Variants in AUTS2 observed in about 807,000 individuals in gnomAD.
AUTS2 encodes activator of transcription and developmental regulator AUTS2.
Under a neutral mutation model 112.4 loss-of-function variants are expected in AUTS2, and 17 were observed. The observed-to-expected ratio is 0.15, with a 90% CI of 0.10 to 0.23. The LOEUF is 0.23. Among genes scored for constraint, AUTS2 ranks in the 10% least tolerant of loss-of-function variants. AUTS2 has a pLI of 1.00. For missense variants in AUTS2, 1,510 were observed against 1,701.6 expected (o/e 0.89, Z 1.98); for synonymous variants, 751 against 702.7 (o/e 1.07, Z -1.09).
chr7:69,667,664 A>G (rs1796128266), intron 1 of AUTS2, among the ~76,000 whole-genome samples: 1 of 152,086 alleles, frequency 6.6e-6, no homozygotes, highest in South Asian at 2.1e-4. Flanking sequence ...CCCAAAATCA[A>G]GATTTTGACA....
At chr7:70,727,177 A>G (rs1787087414) in intron 6 of AUTS2, among the ~76,000 whole-genome samples, 1 of 152,192 alleles carries the variant, frequency 6.6e-6, no homozygotes, top group African/African-American at 2.4e-5. Context: ...TAGCTTTCCG[A>G]TTGTGATCAG....
In AUTS2 at chr7:70,165,065, T is replaced by C. The variant is rs112943755; in HGVS notation, c.660+30494T>C. 4.0e-4 allele frequency among the ~76,000 whole-genome samples: 61 copies of C among 152,168 alleles called. 5 individuals are homozygous for C. The highest frequency in any genetic ancestry group is 1.4e-3 in the African/African-American group (57 of 41,540). ...AATGCTAGAAATGAAAAACACAATA[T>C]CATATATGAAAAAATTTTCTGTGGG... On this transcript the variant is annotated intron_variant, in intron 4 of 18. Transcript: ENST00000342771.
At chr7:70,688,356 G>A (rs986093233) in intron 5 of AUTS2, among the ~76,000 whole-genome samples, 3 of 152,058 alleles carry the variant, frequency 2.0e-5, no homozygotes, top group Non-Finnish European at 4.4e-5. Context: ...CATGGCTCGG[G>A]GCATACAGGA....
intron 4 of AUTS2, among the ~76,000 whole-genome samples, chr7:70,188,804 G>C (rs1436558511): frequency 6.7e-6 from 1 of 148,512 alleles, no homozygotes; most frequent in African/African-American, 2.5e-5. Context: ...TTTTTGAGAC[G>C]GAGTTGCGCT....
intron 1 of AUTS2, among the ~76,000 whole-genome samples, chr7:69,857,218 C>G (rs1269878823): frequency 6.6e-6 from 1 of 152,130 alleles, no homozygotes; most frequent in Non-Finnish European, 1.5e-5. Context: ...TTTGAAATGT[C>G]TAATAAAATC....
chr7:70,634,810 A>T (rs1240001611), intron 5 of AUTS2, among the ~76,000 whole-genome samples: 1 of 152,190 alleles, frequency 6.6e-6, no homozygotes, highest in Non-Finnish European at 1.5e-5. Flanking sequence ...AAAGGTTAAG[A>T]AGATGAGATG....
chr7:69,712,727 GGGTGATTATGTAGGGTGGA>G (rs1486758652), intron 1 of AUTS2, among the ~76,000 whole-genome samples: 30 of 152,068 alleles, frequency 2.0e-4, no homozygotes, highest in Non-Finnish European at 1.5e-4. Flanking sequence ...TGTTTCTCTT[GGGTGATTATGTAGGGTGGA>G]ATGGCTGGGT....
chr7:70,724,443 C>CTTTTTTT lies in AUTS2; in HGVS notation c.742+25837_742+25843dup, dbSNP rs71077675. On this transcript the variant is annotated intron_variant, in intron 6 of 18. Coordinates refer to ENST00000342771, the MANE Select transcript of AUTS2 (RefSeq NM_015570.4). Reference sequence around the variant, plus strand: ...AAGAATGATTTTATTTTCATCCTGACTTTTTTTTTTTTTTTTTTTTGAGAC... The same window carrying CTTTTTTT: ...AAGAATGATTTTATTTTCATCCTGACTTTTTTTTTTTTTTTTTTTTTTTTTTTGAGAC... Among the ~76,000 whole-genome samples the CTTTTTTT allele has an allele frequency of 6.9e-5, 7 of 101,386 alleles. 1 individual carries two copies. The highest frequency in any genetic ancestry group is 4.0e-4 in the East Asian group (1 of 2,524). 66.5% of individuals were successfully genotyped at this position (101,386 alleles called of 152,430 possible).
intron 1 of AUTS2, among the ~76,000 whole-genome samples, chr7:69,766,677 G>A (rs1367692265): frequency 6.6e-6 from 1 of 152,156 alleles, no homozygotes; most frequent in Non-Finnish European, 1.5e-5. Flanking sequence ...ACACACCTCA[G>A]CCACTTTCCA....
At chr7:70,333,100 C>G (rs561787310) in intron 4 of AUTS2, among the ~76,000 whole-genome samples, 3 of 152,302 alleles carry the variant, frequency 2.0e-5, no homozygotes, top group African/African-American at 7.2e-5. Flanking sequence ...CTACAAAGAA[C>G]TTAAACAAAT....
At chr7:70,621,176 G>C (rs374697388) in intron 5 of AUTS2, among the ~76,000 whole-genome samples, 1 of 152,250 alleles carries the variant, frequency 6.6e-6, no homozygotes, top group Admixed American at 6.5e-5. Flanking sequence ...TGGAAGGGTT[G>C]AGTGTTTCTG....
intron 4 of AUTS2, among the ~76,000 whole-genome samples, chr7:70,139,889 T>C (rs1371092769): frequency 3.9e-5 from 6 of 152,072 alleles, no homozygotes; most frequent in Admixed American, 2.6e-4. Context: ...TAATCCCAGC[T>C]GCTCGGGAGG....
intron 10 of AUTS2, among the ~76,000 whole-genome samples, chr7:70,769,313 C>T (rs1790169303): frequency 6.6e-6 from 1 of 152,186 alleles, no homozygotes; most frequent in Non-Finnish European, 1.5e-5. Flanking sequence ...CTATGGGTTT[C>T]CTCTTTGGGT....
chr7:70,227,455 A>G (rs1207919799), intron 4 of AUTS2, among the ~76,000 whole-genome samples: 1 of 152,140 alleles, frequency 6.6e-6, no homozygotes, highest in African/African-American at 2.4e-5. Context: ...TGTAACCATC[A>G]CCACAATATG....
chr7:70,531,128 A>C (rs1800067043), intron 5 of AUTS2, among the ~76,000 whole-genome samples: 1 of 152,254 alleles, frequency 6.6e-6, no homozygotes, highest in Non-Finnish European at 1.5e-5. Context: ...AGTATTCCTT[A>C]TTCTTGAGAA....
At chr7:69,717,778 A>C (rs1361236275) in intron 1 of AUTS2, among the ~76,000 whole-genome samples, 1 of 152,102 alleles carries the variant, frequency 6.6e-6, no homozygotes, top group Non-Finnish European at 1.5e-5. Context: ...TGTTTCTCTC[A>C]TGCATCCCTA....
intron 1 of AUTS2, among the ~76,000 whole-genome samples, chr7:69,830,340 G>T (rs1012905217): frequency 6.6e-6 from 1 of 152,058 alleles, no homozygotes; most frequent in Non-Finnish European, 1.5e-5. Context: ...CATGGCACAC[G>T]TATACCTATG....
intron 2 of AUTS2, among the ~76,000 whole-genome samples, chr7:69,988,427 C>T (rs766566698): frequency 6.6e-6 from 1 of 152,194 alleles, no homozygotes; most frequent in Non-Finnish European, 1.5e-5. Flanking sequence ...AGATGGCAAG[C>T]ATTTCAGGTG....
intron 4 of AUTS2, among the ~76,000 whole-genome samples, chr7:70,429,415 T>C (rs1562952267): frequency 6.6e-6 from 1 of 152,324 alleles, no homozygotes. Context: ...TATTGGAAGA[T>C]TCAAAAAAGG....
Sources: gnomAD v4.1 joint callset for allele counts (sites outside exome capture counted in the v4.1 genomes callset) on GRCh38, gnomAD v4.1.1 for gene constraint, MANE v1.5 for transcripts, NCBI Gene and HGNC (gene_info 2026-07-23, HGNC 2026-07-21) for gene names.